IL1RAPL1: variants seen among roughly 807,000 people sequenced by gnomAD.
IL1RAPL1 encodes interleukin-1 receptor accessory protein-like 1.
A neutral mutation model predicts 48.4 loss-of-function variants in IL1RAPL1; 3 were observed. The observed-to-expected ratio is 0.06, with a 90% CI of 0.03 to 0.16. IL1RAPL1 has a LOEUF of 0.16. IL1RAPL1 is among the 10% of genes least tolerant of loss of function. The pLI is 1.00. For synonymous variants in IL1RAPL1, 185 were observed against 187.7 expected, an observed-to-expected ratio of 0.99 and a Z score of 0.12; for missense variants, 349 against 530.6, an observed-to-expected ratio of 0.66 and a Z score of 3.36.
chrX:29,126,801 T>G (rs1455813402), intron 2 of IL1RAPL1, among the ~76,000 whole-genome samples: 2 of 112,006 alleles, frequency 1.8e-5, no homozygotes, highest in Non-Finnish European at 3.8e-5. Context: ...AAATTTATAT[T>G]TTTATAGTAC....
intron 2 of IL1RAPL1, among the ~76,000 whole-genome samples, chrX:29,020,150 C>T (rs1011953315): frequency 8.9e-6 from 1 of 112,240 alleles, no homozygotes; most frequent in Admixed American, 9.4e-5. Flanking sequence ...TGAGCAAATG[C>T]ATTAATAAGT....
chrX:29,700,362 A>AGATT (rs1302725143), intron 6 of IL1RAPL1, among the ~76,000 whole-genome samples: 1 of 111,894 alleles, frequency 8.9e-6, no homozygotes, highest in Non-Finnish European at 1.9e-5. Context: ...TTCAAGTTAT[A>AGATT]GATTTAATTT....
At chrX:29,275,055 C>A (rs1465206171) in intron 2 of IL1RAPL1, among the ~76,000 whole-genome samples, 1 of 110,714 alleles carries the variant, frequency 9.0e-6, no homozygotes, top group Non-Finnish European at 1.9e-5. Flanking sequence ...TTGATATTGT[C>A]CTGAAAGTGA....
chrX:28,597,564 T>C (rs992529210), intron 1 of IL1RAPL1, among the ~76,000 whole-genome samples: 6 of 110,491 alleles, frequency 5.4e-5, no homozygotes, highest in Non-Finnish European at 1.1e-4. Context: ...AAACCCCGTC[T>C]CTACTAAAAA....
intron 2 of IL1RAPL1, among the ~76,000 whole-genome samples, chrX:28,984,076 GC>G: frequency 9.0e-6 from 1 of 111,599 alleles, no homozygotes; most frequent in South Asian, 3.8e-4. Context: ...AAGTTCTAGA[GC>G]AGTGCTATTC....
chrX:28,617,039 A>G (rs781117065), intron 1 of IL1RAPL1, among the ~76,000 whole-genome samples: 3 of 112,424 alleles, frequency 2.7e-5, no homozygotes, highest in African/African-American at 6.5e-5. Context: ...ATTTCAAGAG[A>G]TGTTTCAGAG....
rs148930335 is a variant in IL1RAPL1 at position 29,430,215 on chromosome X, A to G, written c.703+30907A>G. Reference sequence around the variant, plus strand: ...AAAAATGGAAAAATAAAAATAACACAAACTTCCTGGGGTCCCCTTACTACC... The same window carrying G: ...AAAAATGGAAAAATAAAAATAACACGAACTTCCTGGGGTCCCCTTACTACC... On this transcript the variant is annotated intron_variant, in intron 5 of 10. Transcript: ENST00000378993. 7.6e-3 allele frequency among the ~76,000 whole-genome samples: 850 copies of G among 111,166 alleles called. 2 individuals are homozygous for G. Among genetic ancestry groups the G allele is most frequent in the Non-Finnish European group, 0.012 (610 of 52,981 alleles).
At chrX:28,737,177 C>CCTTTCTTTCTTT (rs1346110547) in intron 1 of IL1RAPL1, among the ~76,000 whole-genome samples, 1 of 72,472 alleles carries the variant, frequency 1.4e-5, no homozygotes, top group African/African-American at 5.8e-5. Flanking sequence ...TTCCTTCCTT[C>CCTTTCTTTCTTT]CTTTCTTTCC....
At chrX:28,779,632 GTGTATATATA>G (rs1315051276) in intron 1 of IL1RAPL1, among the ~76,000 whole-genome samples, 2 of 54,681 alleles carry the variant, frequency 3.7e-5, no homozygotes, top group African/African-American at 1.9e-4. Flanking sequence ...GTGTGTGTGT[GTGTATATATA>G]TATATATATA....
chrX:28,800,858 T>C, intron 2 of IL1RAPL1, among the ~76,000 whole-genome samples: 1 of 94,845 alleles, frequency 1.1e-5, no homozygotes, highest in Non-Finnish European at 2.0e-5. Flanking sequence ...TTTATTTATT[T>C]ATTTATTTAT....
chrX:29,346,587 G>A (rs1322446365), intron 3 of IL1RAPL1, among the ~76,000 whole-genome samples: 1 of 112,677 alleles, frequency 8.9e-6, no homozygotes, highest in Non-Finnish European at 1.9e-5. Context: ...ATTTTGTAAA[G>A]CAGGTAGAAC....
intron 2 of IL1RAPL1, among the ~76,000 whole-genome samples, chrX:28,926,581 G>C (rs1012114903): frequency 3.6e-5 from 4 of 111,108 alleles, no homozygotes; most frequent in African/African-American, 1.3e-4. Flanking sequence ...TTACAGGCTT[G>C]ATTATAGCAA....
intron 5 of IL1RAPL1, among the ~76,000 whole-genome samples, chrX:29,412,471 G>T (rs940721918): frequency 1.8e-5 from 2 of 111,726 alleles, no homozygotes; most frequent in Non-Finnish European, 3.8e-5. Flanking sequence ...TAAAGACTTA[G>T]TTTGACAAAA....
chrX:29,895,343 G>A (rs1054161357), intron 6 of IL1RAPL1, among the ~76,000 whole-genome samples: 29 of 109,789 alleles, frequency 2.6e-4, no homozygotes, highest in Non-Finnish European at 5.3e-4. Context: ...TTTAGGTCAG[G>A]AGTTCAAGAC....
intron 5 of IL1RAPL1, among the ~76,000 whole-genome samples, chrX:29,602,917 A>C (rs1923767869): frequency 1.4e-5 from 1 of 72,938 alleles, no homozygotes; most frequent in Non-Finnish European, 2.3e-5. Flanking sequence ...ATGAATGAGA[A>C]AGATTATGAT....
chrX:28,887,426 C>T (rs761155141), intron 2 of IL1RAPL1, among the ~76,000 whole-genome samples: 3 of 111,960 alleles, frequency 2.7e-5, no homozygotes, highest in Admixed American at 9.5e-5. Flanking sequence ...ATTTATCATG[C>T]AATATTTAAG....
rs777759322 is a variant in IL1RAPL1 at position 28,744,671 on chromosome X, C to T, written c.-24-44649C>T. ...TAGGCACTGGGAATGATATGATAAA[C>T]GCAGCAGAACAGGTGGTTAATTTTG... On this transcript the variant is annotated intron_variant, in intron 1 of 10. Transcript: ENST00000378993. 4.5e-5 allele frequency among the ~76,000 whole-genome samples: 5 copies of T among 111,664 alleles called. No homozygotes were observed. The East Asian group carries it at 8.5e-4, about 19-fold the overall frequency.
chrX:29,252,196 C>T (rs1381179132), intron 2 of IL1RAPL1, among the ~76,000 whole-genome samples: 1 of 111,568 alleles, frequency 9.0e-6, no homozygotes, highest in Non-Finnish European at 1.9e-5. Context: ...AGCACACCAG[C>T]ATGGCACATG....
intron 2 of IL1RAPL1, among the ~76,000 whole-genome samples, chrX:28,992,463 C>T (rs1446242005): frequency 1.1e-5 from 1 of 92,952 alleles, no homozygotes; most frequent in East Asian, 3.3e-4. Context: ...GTACTCCAGC[C>T]TGGCTGACAG....
Sources: gnomAD v4.1 joint callset for allele counts (sites outside exome capture counted in the v4.1 genomes callset) on GRCh38, gnomAD v4.1.1 for gene constraint, MANE v1.5 for transcripts, NCBI Gene and HGNC (gene_info 2026-07-23, HGNC 2026-07-21) for gene names.